THOP1: variants seen among roughly 807,000 people sequenced by gnomAD.
The protein encoded by THOP1 is thimet oligopeptidase 1.
A neutral mutation model predicts 71.8 loss-of-function variants in THOP1; 49 were observed. That is an observed-to-expected ratio of 0.68 (90% CI 0.54 to 0.87). The LOEUF (loss-of-function observed/expected upper bound fraction) is 0.87. Among genes scored for constraint, THOP1 ranks in the 40% least tolerant of loss-of-function variants. The pLI, the probability that THOP1 is intolerant of heterozygous loss-of-function variation, is 0.00. For missense variants in THOP1, 843 were observed against 975.6 expected (o/e 0.86, Z 1.81); for synonymous variants, 426 against 421.5 (o/e 1.01, Z -0.13).
intron 4 of THOP1, 65 bp downstream of exon 4, chr19:2,796,253 A>G (rs1431185934): frequency 2.3e-6 from 3 of 1,308,216 alleles, no homozygotes; most frequent in Non-Finnish European, 3.2e-6. Context: ...TGCTGGGCAC[A>G]GGGAGTGCTC....
intron 12 of THOP1, 71 bp from the exon 13 acceptor site, chr19:2,813,044 G>C: frequency 6.7e-7 from 1 of 1,495,590 alleles, no homozygotes; most frequent in Non-Finnish European, 9.0e-7. Flanking sequence ...GCGAGGGTGT[G>C]CAGACTCCTG....
chr19:2,788,863 C>T (rs780775914), intron 1 of THOP1, among the ~76,000 whole-genome samples: 8 of 152,078 alleles, frequency 5.3e-5, no homozygotes, highest in Admixed American at 1.3e-4. Flanking sequence ...TGGGTTCAAG[C>T]GATTTTCCTG....
intron 1 of THOP1, among the ~76,000 whole-genome samples, chr19:2,787,521 C>G (rs1192225676): frequency 1.3e-5 from 2 of 152,204 alleles, no homozygotes; most frequent in Non-Finnish European, 2.9e-5. Context: ...GCCCCTGAAG[C>G]TCTTCTTTAC....
chr19:2,812,258 G>A lies in THOP1; in HGVS notation c.1908+524G>A, dbSNP rs1350933483. The stretch of plus-strand genomic sequence containing the variant: ...TGAGCCTGTGCCTCCCGCTGACTTG[G>A]TGTGACCCAGGCTCGGGACAGCCGC... On this transcript the variant is annotated intron_variant, in intron 12 of 12. Coordinates refer to ENST00000307741, the MANE Select transcript of THOP1 (RefSeq NM_003249.5). The A allele has an allele frequency of 3.3e-6, 5 of 1,535,256 alleles. No homozygotes were observed. In the Admixed American group the frequency reaches 9.8e-5, roughly 30 times the overall value.
intron 1 of THOP1, 34 bp downstream of exon 1, chr19:2,785,712 C>A: frequency 7.1e-7 from 1 of 1,402,130 alleles, no homozygotes; most frequent in Non-Finnish European, 9.3e-7. Flanking sequence ...ACCCGGGCGT[C>A]CCCTGCACCC....
chr19:2,810,639 G>C lies in THOP1; in HGVS notation c.1643-1G>C. The C allele has an allele frequency of 6.4e-7, 1 of 1,551,848 alleles. No homozygotes were observed. The highest frequency in any genetic ancestry group is 1.2e-5 in the South Asian group (1 of 84,360). On this transcript the variant is annotated splice_acceptor_variant, in intron 10 of 12. Coordinates refer to ENST00000307741, the MANE Select transcript of THOP1 (RefSeq NM_003249.5). LOFTEE classifies it high-confidence loss of function. ...CAGCTCTCTCCTTCCCTCCCGCCCAGGCCTCTTCAACCTGCGCCAGATCGT... is the reference window on the plus strand; with the variant it reads ...CAGCTCTCTCCTTCCCTCCCGCCCACGCCTCTTCAACCTGCGCCAGATCGT...
intron 12 of THOP1, 80 bp from the exon 13 acceptor site, chr19:2,813,035 C>A: frequency 6.8e-7 from 1 of 1,466,592 alleles, no homozygotes; most frequent in Admixed American, 2.4e-5. Flanking sequence ...CCCCCCTGGG[C>A]GAGGGTGTGC....
intron 3 of THOP1, among the ~76,000 whole-genome samples, chr19:2,795,377 C>G (rs777997659): frequency 6.6e-6 from 1 of 152,252 alleles, no homozygotes; most frequent in Non-Finnish European, 1.5e-5. Flanking sequence ...CCTGCTCCCC[C>G]GGATGCTCCT....
chr19:2,810,446 GGGAGCTCCT>G lies in THOP1; in HGVS notation c.1603_1611del (p.Leu535_Glu537del), dbSNP rs1568326537. On this transcript the variant is annotated inframe_deletion, in exon 10 of 13. Coordinates refer to ENST00000307741, the MANE Select transcript of THOP1 (RefSeq NM_003249.5). ...TACCGCACAGGCAGCGCCGTGCCCC[GGGAGCTCCT>G]GGAGAAGCTCATTGAGTCCCGGCAG... is the stretch of plus-strand genomic sequence containing the variant. 1 of 1,584,340 alleles carries G rather than the reference GGGAGCTCCT, an allele frequency of 6.3e-7. No homozygotes were observed. Among genetic ancestry groups the G allele is most frequent in the Non-Finnish European group, 8.6e-7 (1 of 1,167,724 alleles).
At chr19:2,785,755 G>A in intron 1 of THOP1, 77 bp downstream of exon 1, 1 of 1,277,588 alleles carries the variant, frequency 7.8e-7, no homozygotes, top group Non-Finnish European at 1.0e-6. Flanking sequence ...TTGGGCCTAA[G>A]GCTGGAGCGA....
rs1916227921 is a variant in THOP1, at chr19:2,804,083, G to C, written c.590-933G>C. ...ACCCTGACTCCCCTGGGGTCGGAGT[G>C]AGCTCCCGATCATTCTTTCCACTCT... On this transcript the variant is annotated intron_variant, in intron 5 of 12. Coordinates refer to ENST00000307741, the MANE Select transcript of THOP1 (RefSeq NM_003249.5). This position sits in a 1 kb window ranked among gnomAD's most constrained non-coding sequence, Gnocchi z 4.7. Among the ~76,000 whole-genome samples, 1 of 152,162 alleles carries C rather than the reference G, an allele frequency of 6.6e-6. No homozygotes were observed. The highest frequency in any genetic ancestry group is 6.5e-5 in the Admixed American group (1 of 15,282).
rs138399192 is a variant in THOP1, at chr19:2,796,946, G to A, written c.486+758G>A. 1.0e-3 allele frequency among the ~76,000 whole-genome samples: 154 copies of A among 152,308 alleles called. 1 individual carries two copies. The highest frequency in any genetic ancestry group is 9.5e-3 in the South Asian group (46 of 4,832). ...GGTGCAGAGCTGGGAGCGCAGCGCT[G>A]AAGTCAAGCGTAGTGTGTTAGCAGA... On this transcript the variant is annotated intron_variant, in intron 4 of 12. Coordinates refer to ENST00000307741, the MANE Select transcript of THOP1 (RefSeq NM_003249.5).
rs749266105 is a variant in THOP1 at position 2,807,322 on chromosome 19, G to C, written c.887-120G>C. On this transcript the variant is annotated intron_variant, in intron 7 of 12. Coordinates refer to ENST00000307741, the MANE Select transcript of THOP1 (RefSeq NM_003249.5). The stretch of plus-strand genomic sequence containing the variant: ...GCTCGGCCCCTCGAGGGGTTGCCGG[G>C]AACTGCGGGTCCTCCCTTCCAAATG... The C allele has an allele frequency of 1.5e-5, 21 of 1,419,738 alleles. No individual in the cohort carries two copies. In the African/African-American group the frequency reaches 2.9e-4, roughly 19 times the overall value. The allele number at this position is 1,419,738 out of a possible 1,614,324, so 87.9% of individuals were successfully genotyped here.
At chr19:2,806,509 G>A (rs1412823286) in intron 6 of THOP1, 1 of 238,892 alleles carries the variant, frequency 4.2e-6, no homozygotes, top group Non-Finnish European at 8.1e-6. Context: ...ACCCCCACTG[G>A]CTTGGTTGGC....
Position 2,805,503 on chromosome 19 carries a change from C to T in THOP1, c.750+327C>T, listed in dbSNP as rs192920112. On this transcript the variant is annotated intron_variant, in intron 6 of 12. Transcript: ENST00000307741. The surrounding 1 kb of genome is among the most constrained non-coding windows in gnomAD (Gnocchi z 6.6). ...TGGAGCCGCCCCTCAGGTGTGTCAG[C>T]CCAGATCATTCCTTTTGTCTTAAAT... Among the ~76,000 whole-genome samples, 22 of 152,328 alleles carry T rather than the reference C, an allele frequency of 1.4e-4. No individual in the cohort carries two copies. The highest frequency in any genetic ancestry group is 3.9e-4 in the Admixed American group (6 of 15,306).
chr19:2,799,731 G>C lies in THOP1; in HGVS notation c.529G>C (p.Asp177His). Reference sequence around the variant, plus strand: ...GAAGAAGCTGAGCCTTCTGTGCATCGACTTCAACAAGAACCTGAACGAGGA... The same window carrying C: ...GAAGAAGCTGAGCCTTCTGTGCATCCACTTCAACAAGAACCTGAACGAGGA... Reference protein sequence around the residue: ...IKKKLSLLCIDFNKNLNEDTT... With the variant: ...IKKKLSLLCIHFNKNLNEDTT... Residue 177 changes from aspartate to histidine, a missense_variant, in exon 5 of 13, where the codon GAC becomes CAC. Transcript: ENST00000307741. The C allele has an allele frequency of 6.2e-7, 1 of 1,613,864 alleles. No individual in the cohort carries two copies. The highest frequency in any genetic ancestry group is 8.5e-7 in the Non-Finnish European group (1 of 1,179,940).
chr19:2,790,634 G>A lies in THOP1; in HGVS notation c.229+1G>A. ...GCCGATGTGGAGGTCACCTACACAG[G>A]TAAGTCCCAGGCAGGGTCTGTGCGT... On this transcript the variant is annotated splice_donor_variant, in intron 2 of 12. Transcript: ENST00000307741. LOFTEE classifies it high-confidence loss of function. 1 of 1,548,294 alleles carries A rather than the reference G, an allele frequency of 6.5e-7. No individual in the cohort carries two copies. The highest frequency in any genetic ancestry group is 8.7e-7 in the Non-Finnish European group (1 of 1,148,122).
intron 2 of THOP1, among the ~76,000 whole-genome samples, chr19:2,791,051 G>C (rs533245244): frequency 1.3e-5 from 2 of 152,340 alleles, no homozygotes; most frequent in East Asian, 3.9e-4. Context: ...GGGAAGGCGG[G>C]TATTTGTTTC....
rs550808664 is a variant in THOP1 at position 2,806,968 on chromosome 19, C to T, written c.802C>T (p.Arg268Cys). Residue 268 changes from arginine (R) to cysteine (C), a missense_variant, in exon 7 of 13, where the codon CGC becomes TGC. Coordinates refer to ENST00000307741, the MANE Select transcript of THOP1 (RefSeq NM_003249.5). ...GGTGACGCTGCGGGCCCAGAAGTCC[C>T]GCCTGCTGGGGTTCCACACGCACGC... is the stretch of plus-strand genomic sequence containing the variant. ...ELVTLRAQKS[R>C]LLGFHTHADY... 2.7e-5 allele frequency: 44 copies of T among 1,613,096 alleles called. No individual in the cohort carries two copies. The highest frequency in any genetic ancestry group is 6.7e-5 in the Admixed American group (4 of 59,962).
Sources: allele counts gnomAD v4.1 joint callset (sites outside exome capture counted in the v4.1 genomes callset), GRCh38; gene constraint gnomAD v4.1.1; non-coding constraint Gnocchi (gnomAD v3.1); transcripts MANE v1.5; gene names NCBI Gene and HGNC (gene_info 2026-07-23, HGNC 2026-07-21).